The following SEC14L2 variants were observed in gnomAD, a reference collection of about 807,000 sequenced individuals.
SEC14L2 encodes SEC14-like protein 2.
Under a neutral mutation model 56.9 loss-of-function variants are expected in SEC14L2, and 50 were observed. The ratio of observed to expected loss-of-function variants is 0.88; its 90% CI spans 0.70 to 1.11. SEC14L2 has a LOEUF of 1.11. SEC14L2 is among the 50% of genes most tolerant of loss of function. The probability of loss-of-function intolerance (pLI) is 0.00; values close to 1 mark genes in which losing one functional copy is unlikely to be tolerated. For synonymous variants in SEC14L2, 179 were observed against 188.5 expected (o/e 0.95, Z 0.41); for missense variants, 414 against 500.7 (o/e 0.83, Z 1.65).
chr22:30,418,351 T>C (rs1442329401), intron 11 of SEC14L2, among the ~76,000 whole-genome samples: 1 of 152,152 alleles, frequency 6.6e-6, no homozygotes, highest in Non-Finnish European at 1.5e-5. Context: ...CTCTTGGCCA[T>C]TGACTGTCCT....
chr22:30,420,885 A>G (rs1306317156), intron 11 of SEC14L2: 2 of 152,224 alleles, frequency 1.3e-5, no homozygotes, highest in Non-Finnish European at 2.9e-5. Flanking sequence ...ACAGGGTTAG[A>G]TTAAAAGCAG....
Position 30,422,280 on chromosome 22 carries a change from T to C in SEC14L2, c.1085T>C (p.Val362Ala), listed in dbSNP as rs1396420024. The C allele has an allele frequency of 6.2e-7, 1 of 1,614,134 alleles. No homozygotes were observed. Among genetic ancestry groups the C allele is most frequent in the Non-Finnish European group, 8.5e-7 (1 of 1,179,994 alleles). The change falls in exon 12 of 12, where the codon GTC (valine) becomes GCC (alanine). Residue 362 changes from valine to alanine, a missense_variant. Coordinates refer to ENST00000615189, the MANE Select transcript of SEC14L2 (RefSeq NM_012429.5). ...TCTGGTTTCTGCCTTCCCTCAGATG[T>C]CCTGCGGTTTGACAACACCTACAGC... ...TLTCSDPGIY[V>A]LRFDNTYSFI...
In SEC14L2 at chr22:30,399,470, GC is replaced by G. The variant is rs371693955; in HGVS notation, c.55-170del. Among the ~76,000 whole-genome samples, 6 of 133,164 alleles carry G rather than the reference GC, an allele frequency of 4.5e-5. No individual in the cohort carries two copies. In the South Asian group the frequency reaches 1.4e-3, roughly 31 times the overall value. 87.4% of individuals were successfully genotyped at this position (133,164 alleles called of 152,430 possible). A position where few individuals can be genotyped will look rare whatever the true frequency, so the allele number is the denominator to read the frequency against. The stretch of plus-strand genomic sequence containing the variant: ...GCAGAGCTTACAGGGAGTGGAGATC[GC>G]CCACCGCACTCCAGCCTGGGCGAGA... On this transcript the variant is annotated intron_variant, in intron 1 of 11. Transcript: ENST00000615189.
intron 5 of SEC14L2, among the ~76,000 whole-genome samples, chr22:30,408,551 C>T (rs1488006365): frequency 6.6e-6 from 1 of 152,180 alleles, no homozygotes; most frequent in Non-Finnish European, 1.5e-5. Context: ...CACCACTGCA[C>T]TCCAGCTTGG....
intron 8 of SEC14L2, among the ~76,000 whole-genome samples, chr22:30,412,161 C>G (rs186160624): frequency 1.3e-5 from 2 of 152,218 alleles, no homozygotes; most frequent in African/African-American, 2.4e-5. Flanking sequence ...CACTGGGAAT[C>G]AGAGTTTTCA....
At position 30,423,606 on chromosome 22, in the gene SEC14L2, T is replaced by C. The variant is rs2146049361; in HGVS notation, c.*1199T>C. On this transcript the variant is annotated 3_prime_UTR_variant, in exon 12 of 12. Transcript: ENST00000615189. Reference sequence around the variant, plus strand: ...CACAGGTGCTGGGCTTTAGAGAACATGGGAAGGCGGCCCCAGACCTGGCGG... The same window carrying C: ...CACAGGTGCTGGGCTTTAGAGAACACGGGAAGGCGGCCCCAGACCTGGCGG... 6.6e-6 allele frequency: 1 copy of C among 152,394 alleles called. No individual in the cohort carries two copies. Among genetic ancestry groups the C allele is most frequent in the Non-Finnish European group, 1.5e-5 (1 of 68,082 alleles). 9.4% of individuals were successfully genotyped at this position (152,394 alleles called of 1,614,324 possible). A position where few individuals can be genotyped will look rare whatever the true frequency, so the allele number is the denominator to read the frequency against.
chr22:30,415,907 C>G, intron 9 of SEC14L2, 41 bp from the exon 10 acceptor site: 1 of 1,614,114 alleles, frequency 6.2e-7, no homozygotes, highest in Non-Finnish European at 8.5e-7. Flanking sequence ...GGATGCCTGG[C>G]TCAAATGCAC....
chr22:30,416,970 C>T (rs751787541), intron 11 of SEC14L2: 3 of 530,282 alleles, frequency 5.7e-6, no homozygotes, highest in Non-Finnish European at 7.3e-6. Context: ...CCCCTTGACT[C>T]AGCAATTCTA....
chr22:30,420,168 G>C (rs1300284491), intron 11 of SEC14L2, among the ~76,000 whole-genome samples: 1 of 152,022 alleles, frequency 6.6e-6, no homozygotes, highest in East Asian at 1.9e-4. Context: ...CGTTAGGCTG[G>C]TCTTGAACTC....
rs757787058 is a variant in SEC14L2, at chr22:30,409,480, G to T, written c.574G>T (p.Val192Phe). The T allele has an allele frequency of 6.2e-7, 1 of 1,614,152 alleles. No individual in the cohort carries two copies. ...CGAAACACTGAAGCGTCTTTTTGTT[G>T]TTAAAGGTAAGTTGGGAATTTCTTG... ...YPETLKRLFVVKAPKLFPVAY... is the reference protein window; with the variant it reads ...YPETLKRLFVFKAPKLFPVAY... Residue 192 changes from valine (V) to phenylalanine (F), a missense_variant, in exon 7 of 12, where the codon GTT becomes TTT. Val to Phe is a conservative substitution (Grantham distance 50). Coordinates refer to ENST00000615189, the MANE Select transcript of SEC14L2 (RefSeq NM_012429.5).
chr22:30,411,551 GCCTGGC>G (rs1569209297), intron 8 of SEC14L2, among the ~76,000 whole-genome samples: 1,981 of 152,032 alleles, frequency 0.013, 32 homozygotes, highest in African/African-American at 0.045. Flanking sequence ...TTCGAGACCA[GCCTGGC>G]CAACATGGTG....
intron 8 of SEC14L2, among the ~76,000 whole-genome samples, chr22:30,412,816 C>G (rs1401319892): frequency 6.8e-6 from 1 of 146,756 alleles, no homozygotes; most frequent in Non-Finnish European, 1.5e-5. Flanking sequence ...AGAGCAAAAC[C>G]CTGTCTCAAA....
chr22:30,404,426 G>A (rs1291394809), intron 2 of SEC14L2, among the ~76,000 whole-genome samples: 1 of 152,124 alleles, frequency 6.6e-6, no homozygotes, highest in Non-Finnish European at 1.5e-5. Flanking sequence ...GAATGTGCTC[G>A]GCACTCCCAG....
chr22:30,399,642 G>T lies in SEC14L2; in HGVS notation c.55-1G>T, dbSNP rs760575965. 1 of 1,612,654 alleles carries T rather than the reference G, an allele frequency of 6.2e-7. No individual in the cohort carries two copies. Among genetic ancestry groups the T allele is most frequent in the Admixed American group, 1.7e-5 (1 of 59,938 alleles). Reference sequence around the variant, plus strand: ...ACTCACCCCGATGCCTCTCCCTACAGTTTCGGGAGAATGTCCAGGATGTGC... The same window carrying T: ...ACTCACCCCGATGCCTCTCCCTACATTTTCGGGAGAATGTCCAGGATGTGC... On this transcript the variant is annotated splice_acceptor_variant, in intron 1 of 11. Coordinates refer to ENST00000615189, the MANE Select transcript of SEC14L2 (RefSeq NM_012429.5). LOFTEE classifies it high-confidence loss of function.
In SEC14L2 at chr22:30,416,390, T is replaced by C. The variant is rs188005821; in HGVS notation, c.1068T>C (p.Ser356=). The change falls in exon 11 of 12, where the codon AGT becomes AGC. Residue 356 remains serine (S), a synonymous_variant. Transcript: ENST00000615189. ...LVPEDGTLTC[S]DPGIYVLRFD... is the part of the protein sequence containing the mutation. ...CTGAAGATGGGACCCTCACCTGCAGTGATCCTGGCATCTGTAAGTATCTCT... is the reference window on the plus strand; with the variant it reads ...CTGAAGATGGGACCCTCACCTGCAGCGATCCTGGCATCTGTAAGTATCTCT... 6.2e-7 allele frequency: 1 copy of C among 1,614,246 alleles called. No individual in the cohort carries two copies. The highest frequency in any genetic ancestry group is 2.2e-5 in the East Asian group (1 of 44,890).
At chr22:30,411,366 G>A (rs1311324213) in intron 8 of SEC14L2, among the ~76,000 whole-genome samples, 2 of 152,194 alleles carry the variant, frequency 1.3e-5, no homozygotes, top group Non-Finnish European at 2.9e-5. Context: ...GTTGCTTTCA[G>A]TTGGGGAAAA....
At chr22:30,409,333 T>C in intron 6 of SEC14L2, 51 bp downstream of exon 6, 1 of 1,583,604 alleles carries the variant, frequency 6.3e-7, no homozygotes, top group Non-Finnish European at 8.7e-7. Context: ...GGAGGAGGAG[T>C]AGACCCCTCT....
At chr22:30,399,828 C>T in intron 2 of SEC14L2, 110 bp downstream of exon 2, 1 of 843,422 alleles carries the variant, frequency 1.2e-6, no homozygotes. Context: ...GAGTGTCCAA[C>T]CTTTAGCGCC....
At chr22:30,399,757 T>G in intron 2 of SEC14L2, 39 bp downstream of exon 2, 1 of 1,575,862 alleles carries the variant, frequency 6.3e-7, no homozygotes, top group Non-Finnish European at 8.7e-7. Flanking sequence ...GGGCAGGGGC[T>G]TGTTCTGGGC....
Sources: gnomAD v4.1 joint callset for allele counts (sites outside exome capture counted in the v4.1 genomes callset) on GRCh38, gnomAD v4.1.1 for gene constraint, MANE v1.5 for transcripts, NCBI Gene and HGNC (gene_info 2026-07-23, HGNC 2026-07-21) for gene names.